Variants in SPATA16 observed in about 807,000 individuals in gnomAD.
SPATA16 encodes spermatogenesis associated 16, also known as spermatogenesis-associated protein 16.
Under a neutral mutation model 63.3 loss-of-function variants are expected in SPATA16, and 36 were observed. The observed-to-expected ratio is 0.57, with a 90% CI of 0.44 to 0.75. The LOEUF is 0.75. SPATA16 is among the 30% of genes least tolerant of loss of function. SPATA16 has a pLI of 0.00. For synonymous variants in SPATA16, 203 were observed against 216.7 expected (o/e 0.94, Z 0.56); for missense variants, 646 against 679.3 (o/e 0.95, Z 0.54).
At chr3:172,943,517 A>G (rs1733208936) in intron 6 of SPATA16, among the ~76,000 whole-genome samples, 1 of 152,216 alleles carries the variant, frequency 6.6e-6, no homozygotes, top group African/African-American at 2.4e-5. Flanking sequence ...TGGTGGGCAA[A>G]TCACTTGAGG....
chr3:172,909,559 C>T (rs1732315704), intron 10 of SPATA16, among the ~76,000 whole-genome samples: 1 of 152,160 alleles, frequency 6.6e-6, no homozygotes, highest in Non-Finnish European at 1.5e-5. Context: ...GTTAGGTACT[C>T]CAGTCAACTA....
chr3:172,906,170 T>A (rs990096623), intron 10 of SPATA16, among the ~76,000 whole-genome samples: 1 of 152,198 alleles, frequency 6.6e-6, no homozygotes, highest in African/African-American at 2.4e-5. Context: ...CTTTTTCTAT[T>A]TACTTTAAGC....
intron 10 of SPATA16, among the ~76,000 whole-genome samples, chr3:172,909,197 T>A (rs565226098): frequency 6.6e-6 from 1 of 152,304 alleles, no homozygotes; most frequent in African/African-American, 2.4e-5. Context: ...AATGTATGAT[T>A]TCTAGCCTGG....
At chr3:173,100,220 G>C (rs77917157) in intron 2 of SPATA16, among the ~76,000 whole-genome samples, 2 of 152,204 alleles carry the variant, frequency 1.3e-5, no homozygotes, top group East Asian at 3.9e-4. Context: ...AAATATCACA[G>C]CACAATATTT....
intron 5 of SPATA16, 80 bp from the exon 6 acceptor site, chr3:172,956,904 A>C: frequency 6.6e-7 from 1 of 1,524,270 alleles, no homozygotes; most frequent in Non-Finnish European, 9.0e-7. Flanking sequence ...AATTACCTTT[A>C]TGGATGACTT....
At chr3:173,034,590 A>G (rs1039345620) in intron 3 of SPATA16, among the ~76,000 whole-genome samples, 1 of 152,130 alleles carries the variant, frequency 6.6e-6, no homozygotes, top group Non-Finnish European at 1.5e-5. Context: ...ACGCTTTATG[A>G]CATTGTAGGA....
At chr3:173,069,800 A>G (rs1736621700) in intron 2 of SPATA16, among the ~76,000 whole-genome samples, 1 of 152,200 alleles carries the variant, frequency 6.6e-6, no homozygotes, top group Non-Finnish European at 1.5e-5. Context: ...ATCAAGTAGA[A>G]TTTATCCCTG....
chr3:172,956,169 GA>G (rs1165580210), intron 6 of SPATA16, among the ~76,000 whole-genome samples: 1 of 152,068 alleles, frequency 6.6e-6, no homozygotes, highest in Non-Finnish European at 1.5e-5. Flanking sequence ...TGAAAAAGGG[GA>G]AAAAACCTAA....
intron 3 of SPATA16, among the ~76,000 whole-genome samples, chr3:173,047,340 A>C (rs1262870822): frequency 2.0e-5 from 3 of 151,974 alleles, no homozygotes; most frequent in Non-Finnish European, 4.4e-5. Flanking sequence ...AATTCATCAA[A>C]ATAATCTGAT....
At chr3:172,944,054 G>A (rs10222447) in intron 6 of SPATA16, among the ~76,000 whole-genome samples, 13,322 of 152,080 alleles carry the variant, frequency 0.088, 1,945 homozygotes, top group African/African-American at 0.3. Context: ...AACAGTCATG[G>A]AAATGCAGTG....
At chr3:173,011,101 T>A (rs1322117088) in intron 4 of SPATA16, among the ~76,000 whole-genome samples, 3 of 152,016 alleles carry the variant, frequency 2.0e-5, no homozygotes, top group Non-Finnish European at 4.4e-5. Flanking sequence ...ACCAGCATCA[T>A]CCTGATACCA....
chr3:172,955,122 T>C (rs780678528), intron 6 of SPATA16, among the ~76,000 whole-genome samples: 28 of 152,226 alleles, frequency 1.8e-4, no homozygotes, highest in Non-Finnish European at 3.5e-4. Context: ...TGAGTCTGGC[T>C]CATTAATGTT....
intron 1 of SPATA16, among the ~76,000 whole-genome samples, chr3:173,140,133 G>C (rs2108353574): frequency 6.6e-6 from 1 of 152,230 alleles, no homozygotes; most frequent in Non-Finnish European, 1.5e-5. Context: ...AATTTCCAAG[G>C]TGCTAGTTTC....
chr3:172,924,919 C>G (rs1232200700), intron 7 of SPATA16, among the ~76,000 whole-genome samples: 3 of 152,168 alleles, frequency 2.0e-5, no homozygotes, highest in Admixed American at 2.0e-4. Flanking sequence ...TCCAGGAGAT[C>G]TAAACTCTTG....
intron 10 of SPATA16, among the ~76,000 whole-genome samples, chr3:172,905,768 T>C (rs1254299711): frequency 6.6e-6 from 1 of 152,068 alleles, no homozygotes; most frequent in East Asian, 1.9e-4. Flanking sequence ...GTTTAAAGGA[T>C]TACCTATACT....
intron 6 of SPATA16, among the ~76,000 whole-genome samples, chr3:172,951,291 A>G (rs527288614): frequency 6.6e-6 from 1 of 152,258 alleles, no homozygotes; most frequent in South Asian, 2.1e-4. Context: ...TATTCCTGAA[A>G]CAGAAAAGGA....
intron 2 of SPATA16, among the ~76,000 whole-genome samples, chr3:173,080,129 T>C (rs528892059): frequency 1.3e-4 from 20 of 152,194 alleles, no homozygotes; most frequent in Admixed American, 1.3e-3. Flanking sequence ...TTAGTGAGAA[T>C]TGATTTTCTA....
chr3:172,914,363 G>A (rs901104735), intron 9 of SPATA16, among the ~76,000 whole-genome samples: 3 of 152,086 alleles, frequency 2.0e-5, no homozygotes, highest in African/African-American at 4.8e-5. Flanking sequence ...CACATGGTGT[G>A]TATTTGACCA....
At chr3:173,052,037 C>G (rs1447979187) in intron 2 of SPATA16, among the ~76,000 whole-genome samples, 1 of 152,124 alleles carries the variant, frequency 6.6e-6, no homozygotes, top group Non-Finnish European at 1.5e-5. Context: ...TCTTGAACTC[C>G]TGACCTCAGG....
Sources: gnomAD v4.1 joint callset for allele counts (sites outside exome capture counted in the v4.1 genomes callset) on GRCh38, gnomAD v4.1.1 for gene constraint, MANE v1.5 for transcripts, NCBI Gene and HGNC (gene_info 2026-07-23, HGNC 2026-07-21) for gene names.